Variants in SPON2 observed in about 807,000 individuals in gnomAD.
SPON2 encodes the protein spondin-2.
In SPON2, 32 loss-of-function variants were observed where a neutral mutation model predicts 29.9. The observed-to-expected ratio is 1.07, with a 90% CI of 0.81 to 1.44. SPON2 has a LOEUF of 1.44. Ranked by LOEUF, SPON2 falls within the 40% of genes most tolerant of loss-of-function variation. The pLI is 0.00. For synonymous variants in SPON2, 248 were observed against 209.1 expected (o/e 1.19, Z -1.61); for missense variants, 541 against 455.5 (o/e 1.19, Z -1.71).
At chr4:1,190,730 A>C (rs1419722809) in intron 1 of SPON2, among the ~76,000 whole-genome samples, 1 of 152,256 alleles carries the variant, frequency 6.6e-6, no homozygotes, top group Admixed American at 6.5e-5. Context: ...AATCCATGCA[A>C]AAACATTGGA....
At chr4:1,200,754 A>T in intron 1 of SPON2, 1 of 452,504 alleles carries the variant, frequency 2.2e-6, no homozygotes, top group East Asian at 7.0e-5. Context: ...AGCAGCGAGG[A>T]GAGGGTGGGT....
upstream of SPON2, among the ~76,000 whole-genome samples, chr4:1,178,033 G>A (rs556174099): frequency 4.0e-3 from 603 of 152,162 alleles, 4 homozygotes; most frequent in Middle Eastern, 0.014. Context: ...GCCTCGCTCC[G>A]GCCAGGCACC....
intron 1 of SPON2, among the ~76,000 whole-genome samples, chr4:1,194,257 G>A (rs77645546): frequency 0.031 from 4,769 of 152,244 alleles, 262 homozygotes; most frequent in African/African-American, 0.11. Flanking sequence ...CTTCTGCCAA[G>A]GCCATGTCAT....
chr4:1,200,293 G>A (rs758554903), intron 1 of SPON2, among the ~76,000 whole-genome samples: 4 of 152,130 alleles, frequency 2.6e-5, no homozygotes, highest in Non-Finnish European at 4.4e-5. Context: ...AGGCTCCACG[G>A]ACAGTTGAGA....
upstream of SPON2, among the ~76,000 whole-genome samples, chr4:1,173,803 A>G (rs2153077502): frequency 6.6e-6 from 1 of 152,402 alleles, no homozygotes; most frequent in East Asian, 1.9e-4. Flanking sequence ...ACCACAGATC[A>G]GCCACTCAAT....
At chr4:1,176,898 A>G (rs113194061), upstream of SPON2, among the ~76,000 whole-genome samples, 12 of 152,326 alleles carry the variant, frequency 7.9e-5, no homozygotes, top group African/African-American at 2.4e-4. Context: ...CACACCATTC[A>G]TTCATTCATT....
chr4:1,187,605 C>T (rs1727829742), intron 1 of SPON2, among the ~76,000 whole-genome samples: 2 of 152,032 alleles, frequency 1.3e-5, no homozygotes. Context: ...TTAGCAGATG[C>T]CCTAGGGATT....
chr4:1,167,693 G>A (rs1204058735), intron 5 of SPON2, 37 bp from the exon 6 acceptor site: 2 of 1,539,756 alleles, frequency 1.3e-6, no homozygotes, highest in Non-Finnish European at 1.8e-6. Flanking sequence ...GTGAACGCTC[G>A]CGTGAAGAGG....
intron 1 of SPON2, among the ~76,000 whole-genome samples, chr4:1,191,962 C>T (rs1231292184): frequency 6.6e-6 from 1 of 152,206 alleles, no homozygotes; most frequent in Non-Finnish European, 1.5e-5. Flanking sequence ...GGCCGCAGAC[C>T]ACTTGGGTCC....
upstream of SPON2, among the ~76,000 whole-genome samples, chr4:1,177,638 G>T (rs1210714501): frequency 6.6e-6 from 1 of 152,192 alleles, no homozygotes; most frequent in Non-Finnish European, 1.5e-5. Flanking sequence ...CCTTCAGGGG[G>T]CAGGGGTCCC....
intron 1 of SPON2, among the ~76,000 whole-genome samples, chr4:1,200,286 C>T (rs910285901): frequency 1.3e-5 from 2 of 152,184 alleles, no homozygotes; most frequent in African/African-American, 2.4e-5. Flanking sequence ...ACCAGGCAGG[C>T]TCCACGGACA....
At chr4:1,167,679 C>T (rs1361504177) in intron 5 of SPON2, 23 bp from the exon 6 acceptor site, 5 of 1,558,104 alleles carry the variant, frequency 3.2e-6, no homozygotes, top group Non-Finnish European at 3.5e-6. Flanking sequence ...AAGGGGAGAC[C>T]GAGGTGAACG....
At chr4:1,203,378 C>T (rs1316729941) in intron 1 of SPON2, among the ~76,000 whole-genome samples, 3 of 152,162 alleles carry the variant, frequency 2.0e-5, no homozygotes, top group African/African-American at 7.2e-5. Context: ...TGCGTCTGAC[C>T]TCCTTCACTT....
chr4:1,170,530 G>T lies in SPON2; in HGVS notation c.683C>A (p.Pro228Gln), dbSNP rs141581437. Residue 228 changes from proline to glutamine, a missense_variant, in exon 5 of 6, where the codon CCG (proline) becomes CAG (glutamine). Transcript: ENST00000290902. ...PSHPANSFYY[P>Q]RLKALPPIAR... ...GATGGGAGGCAGGGCCTTCAGCCGC[G>T]GGTAGTAGAAGGAGTTGGCCGGGTG... The T allele has an allele frequency of 6.2e-7, 1 of 1,613,842 alleles. No individual in the cohort carries two copies. The highest frequency in any genetic ancestry group is 8.5e-7 in the Non-Finnish European group (1 of 1,179,908).
At chr4:1,168,046 C>T (rs1177135796) in intron 5 of SPON2, 1 of 191,620 alleles carries the variant, frequency 5.2e-6, no homozygotes, top group African/African-American at 2.5e-5. Flanking sequence ...ACCCGAATAA[C>T]AGACAGGGGC....
intron 1 of SPON2, among the ~76,000 whole-genome samples, chr4:1,189,713 G>C (rs1479797503): frequency 1.3e-5 from 2 of 151,384 alleles, no homozygotes; most frequent in African/African-American, 4.9e-5. Flanking sequence ...GGAAGGCCAG[G>C]TGCGGTGGCT....
chr4:1,189,612 C>A (rs1299775346), intron 1 of SPON2, among the ~76,000 whole-genome samples: 2 of 129,720 alleles, frequency 1.5e-5, no homozygotes, highest in Non-Finnish European at 3.1e-5. Flanking sequence ...GCACTCCAGC[C>A]TGGGCAACAG....
At chr4:1,203,465 TG>T (rs1379696564) in intron 1 of SPON2, among the ~76,000 whole-genome samples, 1 of 152,224 alleles carries the variant, frequency 6.6e-6, no homozygotes, top group Non-Finnish European at 1.5e-5. Flanking sequence ...AAGAATAGTG[TG>T]GGGCCAGGCC....
In SPON2 at chr4:1,167,496, C is replaced by G. The variant is rs773931449; in HGVS notation, c.972G>C (p.Glu324Asp). The change falls in exon 6 of 6, where the codon GAG (glutamate) becomes GAC (aspartate). Residue 324 changes from glutamate to aspartate, a missense_variant. By Grantham distance (45) the Glu-to-Asp change is conservative. Transcript: ENST00000290902. The part of the protein sequence containing the change: ...SPCPELEEEA[E>D]CVPDNCV ...CTTAGACGCAGTTATCAGGGACGCA[C>G]TCAGCCTCTTCTTCGAGCTCGGGGC... 4.9e-5 allele frequency: 79 copies of G among 1,613,594 alleles called. No individual in the cohort carries two copies. The highest frequency in any genetic ancestry group is 1.3e-4 in the East Asian group (6 of 44,886).
Sources: gnomAD v4.1 joint callset for allele counts (sites outside exome capture counted in the v4.1 genomes callset) on GRCh38, gnomAD v4.1.1 for gene constraint, MANE v1.5 for transcripts, NCBI Gene and HGNC (gene_info 2026-07-23, HGNC 2026-07-21) for gene names.